The following ENOX2 variants were observed in gnomAD, a reference collection of about 807,000 sequenced individuals.
The protein encoded by ENOX2 is ecto-NOX disulfide-thiol exchanger 2.
A neutral mutation model predicts 45.0 loss-of-function variants in ENOX2; 36 were observed. The observed-to-expected ratio is 0.80, with a 90% CI of 0.61 to 1.06. The LOEUF (loss-of-function observed/expected upper bound fraction) is 1.06, where lower values mean the gene tolerates loss of function less well. Among genes scored for constraint, ENOX2 ranks in the 50% least tolerant of loss-of-function variants. The pLI, the probability that ENOX2 is intolerant of heterozygous loss-of-function variation, is 0.00. For synonymous variants in ENOX2, 174 were observed against 152.3 expected, an observed-to-expected ratio of 1.14 and a Z score of -1.05; for missense variants, 423 against 462.5, an observed-to-expected ratio of 0.91 and a Z score of 0.78.
intron 2 of ENOX2, among the ~76,000 whole-genome samples, chrX:130,793,940 T>C (rs1224477757): frequency 8.9e-6 from 1 of 112,274 alleles, no homozygotes; most frequent in Non-Finnish European, 1.9e-5. Flanking sequence ...ATCTATCATT[T>C]TCCTTAGAAT....
chrX:130,771,562 A>G (rs1427701740), intron 3 of ENOX2, among the ~76,000 whole-genome samples: 1 of 112,001 alleles, frequency 8.9e-6, no homozygotes, highest in Non-Finnish European at 1.9e-5. Context: ...TTTTGGATCT[A>G]TCTCCTCTTC....
In ENOX2 at chrX:130,634,710, G is replaced by A. The variant is rs538564514; in HGVS notation, c.1419+274C>T. On this transcript the variant is annotated intron_variant, in intron 12 of 14. Coordinates refer to ENST00000394363, the MANE Select transcript of ENOX2 (RefSeq NM_006375.4). Reference sequence around the variant, plus strand: ...CAGGGAAGAGGTGTGCACTCTGGTCGTCTCCAAGAGAGAAGACTGAGGAGT... The same window carrying A: ...CAGGGAAGAGGTGTGCACTCTGGTCATCTCCAAGAGAGAAGACTGAGGAGT... Among the ~76,000 whole-genome samples the A allele has an allele frequency of 1.3e-4, 15 of 111,590 alleles. 1 individual carries two copies. In the Middle Eastern group the frequency reaches 0.014, roughly 102 times the overall value.
intron 2 of ENOX2, among the ~76,000 whole-genome samples, chrX:130,801,406 C>T (rs1226031319): frequency 8.9e-6 from 1 of 111,801 alleles, no homozygotes; most frequent in Non-Finnish European, 1.9e-5. Context: ...CAAATCTTTC[C>T]TCCTGTACCA....
chrX:130,839,924 G>A (rs1281770006), intron 2 of ENOX2, among the ~76,000 whole-genome samples: 1 of 111,339 alleles, frequency 9.0e-6, no homozygotes, highest in Non-Finnish European at 1.9e-5. Flanking sequence ...TTTGCCTCTA[G>A]TGCATGTAAA....
intron 4 of ENOX2, among the ~76,000 whole-genome samples, chrX:130,689,279 C>T (rs1004046527): frequency 1.2e-4 from 13 of 111,686 alleles, no homozygotes; most frequent in African/African-American, 4.2e-4. Flanking sequence ...CATAGGATGG[C>T]CATGCCTTGT....
intron 9 of ENOX2, among the ~76,000 whole-genome samples, chrX:130,663,128 G>A (rs1415583484): frequency 8.9e-6 from 1 of 112,539 alleles, no homozygotes; most frequent in African/African-American, 3.2e-5. Context: ...AAGTAGGCTT[G>A]AAATATTAAT....
intron 2 of ENOX2, among the ~76,000 whole-genome samples, chrX:130,883,265 C>T (rs2078851147): frequency 9.0e-6 from 1 of 111,102 alleles, no homozygotes; most frequent in Admixed American, 9.5e-5. Flanking sequence ...AACCCACCAC[C>T]ATGCCCGGCT....
intron 2 of ENOX2, among the ~76,000 whole-genome samples, chrX:130,797,986 G>C (rs2077161438): frequency 9.0e-6 from 1 of 110,510 alleles, no homozygotes; most frequent in Non-Finnish European, 1.9e-5. Flanking sequence ...CTTATCCCTG[G>C]CTACATATTA....
At chrX:130,859,621 CAG>C (rs2078377523) in intron 2 of ENOX2, among the ~76,000 whole-genome samples, 1 of 111,748 alleles carries the variant, frequency 8.9e-6, no homozygotes, top group Admixed American at 9.5e-5. Flanking sequence ...ACAAAAGCAG[CAG>C]AGTGTGTATA....
intron 3 of ENOX2, among the ~76,000 whole-genome samples, chrX:130,719,090 G>GA (rs1278814084): frequency 2.7e-5 from 3 of 111,815 alleles, no homozygotes; most frequent in African/African-American, 9.8e-5. Flanking sequence ...TTTCCATTCT[G>GA]TTTTTTAAAG....
chrX:130,854,012 CAAG>C (rs1437637592), intron 2 of ENOX2, among the ~76,000 whole-genome samples: 1 of 111,285 alleles, frequency 9.0e-6, no homozygotes, highest in African/African-American at 3.3e-5. Context: ...CCCAAAATGT[CAAG>C]AATTAAATAA....
intron 2 of ENOX2, among the ~76,000 whole-genome samples, chrX:130,833,396 C>T (rs2077870766): frequency 9.0e-6 from 1 of 111,081 alleles, no homozygotes; most frequent in Non-Finnish European, 1.9e-5. Context: ...TGAGTACTTG[C>T]TAGGTGCCAG....
intron 2 of ENOX2, among the ~76,000 whole-genome samples, chrX:130,878,959 CAG>C (rs2078756664): frequency 8.9e-6 from 1 of 112,463 alleles, no homozygotes. Context: ...GATTTACTTG[CAG>C]CTTATTGTCA....
intron 3 of ENOX2, among the ~76,000 whole-genome samples, chrX:130,771,686 A>G (rs1449074234): frequency 1.8e-5 from 2 of 111,992 alleles, no homozygotes; most frequent in Non-Finnish European, 3.8e-5. Context: ...ATAATCCATG[A>G]TAACCTTCTG....
intron 3 of ENOX2, among the ~76,000 whole-genome samples, chrX:130,713,182 A>G (rs1180382626): frequency 8.9e-6 from 1 of 111,937 alleles, no homozygotes; most frequent in Non-Finnish European, 1.9e-5. Context: ...TGAGCCCAAT[A>G]TCTGACACAG....
intron 3 of ENOX2, among the ~76,000 whole-genome samples, chrX:130,779,913 C>T (rs186000579): frequency 5.9e-4 from 65 of 110,912 alleles, no homozygotes; most frequent in Middle Eastern, 4.6e-3. Flanking sequence ...ATTTAATGAC[C>T]GATATATTTC....
intron 8 of ENOX2, among the ~76,000 whole-genome samples, chrX:130,666,458 G>C (rs999069279): frequency 1.8e-5 from 2 of 111,758 alleles, no homozygotes; most frequent in East Asian, 5.6e-4. Context: ...TCAAGAGAGG[G>C]GAAGCTTAGA....
chrX:130,731,204 T>C (rs1244888526), intron 3 of ENOX2, among the ~76,000 whole-genome samples: 2 of 112,176 alleles, frequency 1.8e-5, no homozygotes, highest in East Asian at 5.5e-4. Flanking sequence ...AATAATAGTA[T>C]GTGCATTATA....
At chrX:130,811,813 T>TA (rs765565400) in intron 2 of ENOX2, among the ~76,000 whole-genome samples, 13 of 111,497 alleles carry the variant, frequency 1.2e-4, no homozygotes, top group African/African-American at 3.9e-4. Flanking sequence ...TTCATTGAAA[T>TA]AAAAAAACAA....
Sources: gnomAD v4.1 joint callset for allele counts (sites outside exome capture counted in the v4.1 genomes callset) on GRCh38, gnomAD v4.1.1 for gene constraint, MANE v1.5 for transcripts, NCBI Gene and HGNC (gene_info 2026-07-23, HGNC 2026-07-21) for gene names.